Variants in ARL14EPL observed in about 807,000 individuals in gnomAD.
ARL14EPL encodes ARF like GTPase 14 effector protein like, also known as ARL14 effector protein-like.
ARL14EPL carries 17 observed loss-of-function variants against 15.9 expected under a neutral mutation model. That is an observed-to-expected ratio of 1.07 (90% CI 0.73 to 1.60). ARL14EPL has a LOEUF of 1.60. ARL14EPL is among the 40% of genes most tolerant of loss of function. ARL14EPL has a pLI of 0.00. For synonymous variants in ARL14EPL, 78 were observed against 63.8 expected (o/e 1.22, Z -1.06); for missense variants, 214 against 185.9 (o/e 1.15, Z -0.88).
At chr5:116,035,963 CCTT>C (rs1399809968) in intron 1 of ARL14EPL, among the ~76,000 whole-genome samples, 4 of 152,224 alleles carry the variant, frequency 2.6e-5, no homozygotes, top group African/African-American at 9.7e-5. Flanking sequence ...CAAGCAAGCA[CCTT>C]CTTTCTCTTC....
intron 2 of ARL14EPL, among the ~76,000 whole-genome samples, chr5:116,052,696 C>T (rs1238433599): frequency 6.6e-6 from 1 of 152,304 alleles, no homozygotes; most frequent in Middle Eastern, 3.4e-3. Flanking sequence ...ACCATATACA[C>T]CAAGATGAAA....
At chr5:116,049,231 A>G (rs1369495573) in intron 1 of ARL14EPL, among the ~76,000 whole-genome samples, 1 of 152,208 alleles carries the variant, frequency 6.6e-6, no homozygotes, top group Non-Finnish European at 1.5e-5. Context: ...TAATAGCCTA[A>G]TGATAAGGTT....
chr5:116,034,839 TAAAC>T (rs905885349), intron 1 of ARL14EPL, among the ~76,000 whole-genome samples: 1 of 152,220 alleles, frequency 6.6e-6, no homozygotes, highest in Non-Finnish European at 1.5e-5. Context: ...AAGGATTTGT[TAAAC>T]AAGTATTAGA....
chr5:116,054,905 A>G (rs2416424), intron 3 of ARL14EPL, among the ~76,000 whole-genome samples: 99,312 of 151,460 alleles, frequency 0.66, 34,304 homozygotes, highest in Non-Finnish European at 0.79. Context: ...GATAAATTTA[A>G]CTACATTAAA....
chr5:116,050,780 A>ATC (rs141191776), intron 1 of ARL14EPL, among the ~76,000 whole-genome samples: 53,251 of 128,590 alleles, frequency 0.41, 11,260 homozygotes, highest in Non-Finnish European at 0.5. Context: ...TATGGGCTCC[A>ATC]TCTCTCTCTC....
chr5:116,041,330 T>C (rs1749153948), intron 1 of ARL14EPL, among the ~76,000 whole-genome samples: 1 of 152,196 alleles, frequency 6.6e-6, no homozygotes, highest in South Asian at 2.1e-4. Flanking sequence ...TATGTAAAAA[T>C]ATATGTATTT....
At chr5:116,039,874 T>A (rs1309664604) in intron 1 of ARL14EPL, among the ~76,000 whole-genome samples, 6 of 152,182 alleles carry the variant, frequency 3.9e-5, no homozygotes, top group African/African-American at 1.4e-4. Context: ...ATGATTACAT[T>A]CCTAGAAAAA....
intron 1 of ARL14EPL, among the ~76,000 whole-genome samples, chr5:116,033,791 A>G (rs1443674331): frequency 2.6e-5 from 4 of 152,226 alleles, no homozygotes; most frequent in Non-Finnish European, 4.4e-5. Flanking sequence ...TTTGTTTGCT[A>G]AAAAGTTTGT....
chr5:116,032,905 C>G (rs1748984690), intron 1 of ARL14EPL, among the ~76,000 whole-genome samples: 1 of 152,116 alleles, frequency 6.6e-6, no homozygotes, highest in Non-Finnish European at 1.5e-5. Context: ...TCAGGTGATT[C>G]TCCCACCTCA....
chr5:116,040,841 C>CGTG (rs1749139346), intron 1 of ARL14EPL, among the ~76,000 whole-genome samples: 4 of 147,946 alleles, frequency 2.7e-5, no homozygotes, highest in African/African-American at 9.9e-5. Context: ...ATTAGTCGGG[C>CGTG]GTGGTGGCGG....
Position 116,058,995 on chromosome 5 carries a change from G to A in ARL14EPL, c.*48G>A. 2 of 1,499,414 alleles carry A rather than the reference G, an allele frequency of 1.3e-6. No individual in the cohort carries two copies. Among genetic ancestry groups the A allele is most frequent in the South Asian group, 1.2e-5 (1 of 82,982 alleles). 92.9% of individuals were successfully genotyped at this position (1,499,414 alleles called of 1,614,324 possible). A position where few individuals can be genotyped will look rare whatever the true frequency, so the allele number is the denominator to read the frequency against. On this transcript the variant is annotated 3_prime_UTR_variant, in exon 4 of 4. Transcript: ENST00000686077. The stretch of plus-strand genomic sequence containing the variant: ...TTGTTTCTTCTTCTTACACATTTAA[G>A]TTGACCTCTTTCTTTTGGGTGAATT...
chr5:116,059,034 G>A lies in ARL14EPL; in HGVS notation c.*87G>A. 4.8e-6 allele frequency: 6 copies of A among 1,255,818 alleles called. No individual in the cohort carries two copies. The Admixed American group carries it at 6.4e-5, about 13-fold the overall frequency. 77.8% of individuals were successfully genotyped at this position (1,255,818 alleles called of 1,614,324 possible). A position where few individuals can be genotyped will look rare whatever the true frequency, so the allele number is the denominator to read the frequency against. On this transcript the variant is annotated 3_prime_UTR_variant, in exon 4 of 4. Transcript: ENST00000686077. ...TTTGGGTGAATTTTAGGGCTTGGGG[G>A]AAATATCGAAAAAACATACTGAAGA...
intron 3 of ARL14EPL, among the ~76,000 whole-genome samples, chr5:116,054,647 C>T (rs1163320570): frequency 6.6e-6 from 1 of 151,982 alleles, no homozygotes; most frequent in Non-Finnish European, 1.5e-5. Flanking sequence ...CTGGCTAACA[C>T]GGTGAAACCC....
intron 1 of ARL14EPL, among the ~76,000 whole-genome samples, chr5:116,034,992 GT>G (rs1429403496): frequency 2.0e-5 from 3 of 152,140 alleles, no homozygotes; most frequent in African/African-American, 7.2e-5. Flanking sequence ...TTTTCATTTT[GT>G]TTGATTTCAC....
chr5:116,051,572 C>T lies in ARL14EPL; in HGVS notation c.96+11C>T. The stretch of plus-strand genomic sequence containing the variant: ...GGACAGAAACAACTGGTATGGCACA[C>T]AGATTCTATGATTCCATGCTACTGG... On this transcript the variant is annotated intron_variant, in intron 2 of 3. Transcript: ENST00000686077. The T allele has an allele frequency of 6.6e-7, 1 of 1,515,346 alleles. No individual in the cohort carries two copies. The highest frequency in any genetic ancestry group is 8.9e-7 in the Non-Finnish European group (1 of 1,128,332). The allele number at this position is 1,515,346 out of a possible 1,614,324, so 93.9% of individuals were successfully genotyped here. A position where few individuals can be genotyped will look rare whatever the true frequency, so the allele number is the denominator to read the frequency against.
At chr5:116,052,825 G>A (rs1455701286) in intron 2 of ARL14EPL, among the ~76,000 whole-genome samples, 1 of 152,142 alleles carries the variant, frequency 6.6e-6, no homozygotes, top group South Asian at 2.1e-4. Context: ...TACATTGAAA[G>A]CTTCCCTTTT....
chr5:116,047,007 C>T (rs2099041), intron 1 of ARL14EPL, among the ~76,000 whole-genome samples: 16,026 of 152,220 alleles, frequency 0.11, 1,038 homozygotes, highest in Middle Eastern at 0.16. Context: ...TACTAAGAAG[C>T]AGGCAGCCTG....
rs1199853691 is a variant in ARL14EPL at position 116,058,862 on chromosome 5, G to A, written c.374G>A (p.Arg125His). The change falls in exon 4 of 4, where the codon CGC becomes CAC. Residue 125 changes from arginine (R) to histidine (H), a missense_variant. Arg to His is a conservative substitution (Grantham distance 29, BLOSUM62 0). Transcript: ENST00000686077. ...TCCAACAAGTGTGGGCCCGAGTGCCGCTGCAACCGACGGTGGGTTTACGAT... is the reference window on the plus strand; with the variant it reads ...TCCAACAAGTGTGGGCCCGAGTGCCACTGCAACCGACGGTGGGTTTACGAT... The part of the protein sequence containing the change: ...CNSNKCGPEC[R>H]CNRRWVYDAI... 28 of 1,535,954 alleles carry A rather than the reference G, an allele frequency of 1.8e-5. No individual in the cohort carries two copies. The highest frequency in any genetic ancestry group is 9.8e-5 in the Admixed American group (5 of 50,974).
intron 1 of ARL14EPL, among the ~76,000 whole-genome samples, chr5:116,034,470 C>T (rs1185725037): frequency 1.3e-5 from 2 of 152,204 alleles, no homozygotes; most frequent in East Asian, 1.9e-4. Flanking sequence ...AGTAGTAGCA[C>T]TAGAAATGAA....
Sources: gnomAD v4.1 joint callset for allele counts (sites outside exome capture counted in the v4.1 genomes callset) on GRCh38, gnomAD v4.1.1 for gene constraint, MANE v1.5 for transcripts, NCBI Gene and HGNC (gene_info 2026-07-23, HGNC 2026-07-21) for gene names.